GALNT13: variants seen among roughly 807,000 people sequenced by gnomAD.
GALNT13 encodes the protein UDP-GalNAc:polypeptide N-acetylgalactosaminyltransferase 13.
In GALNT13, 28 loss-of-function variants were observed where a neutral mutation model predicts 64.2. The observed-to-expected ratio is 0.44, with a 90% CI of 0.32 to 0.60. GALNT13 has a LOEUF of 0.60. Ranked by LOEUF, GALNT13 falls within the 20% of genes least tolerant of loss-of-function variation. The pLI, the probability that GALNT13 is intolerant of heterozygous loss-of-function variation, is 0.05. For missense variants in GALNT13, 577 were observed against 669.8 expected (o/e 0.86, Z 1.53); for synonymous variants, 214 against 224.6 (o/e 0.95, Z 0.42).
the GALNT13 span, among the ~76,000 whole-genome samples, chr2:153,390,220 CA>C: frequency 6.6e-6 from 1 of 152,010 alleles, no homozygotes; most frequent in Non-Finnish European, 1.5e-5. Flanking sequence ...ATCAGAAAAC[CA>C]AACACCACAT....
chr2:153,609,319 A>G, the GALNT13 span, among the ~76,000 whole-genome samples: 8 of 152,120 alleles, frequency 5.3e-5, no homozygotes, highest in Non-Finnish European at 7.4e-5. Flanking sequence ...GGACGTTTGT[A>G]TCTAAGTGTG....
chr2:153,358,640 G>T, the GALNT13 span, among the ~76,000 whole-genome samples: 1 of 152,092 alleles, frequency 6.6e-6, no homozygotes, highest in African/African-American at 2.4e-5. Context: ...TTAGGCCAGA[G>T]CAATTCATGT....
chr2:153,525,962 T>A, the GALNT13 span, among the ~76,000 whole-genome samples: 7 of 152,338 alleles, frequency 4.6e-5, no homozygotes, highest in African/African-American at 1.4e-4. Context: ...ATGAGGCTCC[T>A]CTGCCTTTAG....
At chr2:154,140,712 A>T (rs1313874700) in intron 4 of GALNT13, among the ~76,000 whole-genome samples, 1 of 152,126 alleles carries the variant, frequency 6.6e-6, no homozygotes, top group African/African-American at 2.4e-5. Context: ...ACTTGCAAAG[A>T]TGCTGCAAAA....
the GALNT13 span, chr2:153,201,729 T>C: frequency 2.0e-5 from 3 of 152,262 alleles, no homozygotes; most frequent in Admixed American, 6.5e-5. Flanking sequence ...TTGGCTGTGA[T>C]TTTACAGAAT....
chr2:153,675,503 G>A, the GALNT13 span, among the ~76,000 whole-genome samples: 148,751 of 152,176 alleles, frequency 0.98, 72,806 homozygotes, highest in East Asian at 1. Context: ...ACAAGAACAC[G>A]TGGACACAGG....
chr2:153,404,696 A>G, the GALNT13 span, among the ~76,000 whole-genome samples: 5 of 152,054 alleles, frequency 3.3e-5, no homozygotes, highest in African/African-American at 1.2e-4. Flanking sequence ...AATATCTTCA[A>G]CTCTTATGTC....
chr2:154,250,406 A>G lies in GALNT13; in HGVS notation c.857+4424A>G, dbSNP rs533607536. Among the ~76,000 whole-genome samples, 14 of 152,098 alleles carry G rather than the reference A, an allele frequency of 9.2e-5. No homozygotes were observed. In the East Asian group the frequency reaches 2.7e-3, roughly 29 times the overall value. On this transcript the variant is annotated intron_variant, in intron 7 of 12. Coordinates refer to ENST00000392825, the MANE Select transcript of GALNT13 (RefSeq NM_052917.4). ...CCCCACATAGGTTTTAATGGCTGCTAATGTCTCAATTACTTACGATGTTTC... is the reference window on the plus strand; with the variant it reads ...CCCCACATAGGTTTTAATGGCTGCTGATGTCTCAATTACTTACGATGTTTC...
At chr2:153,856,206 G>A in the GALNT13 span, among the ~76,000 whole-genome samples, 1 of 151,934 alleles carries the variant, frequency 6.6e-6, no homozygotes, top group Non-Finnish European at 1.5e-5. Flanking sequence ...CAGTTTAAAT[G>A]GGTGAGTTGT....
the GALNT13 span, among the ~76,000 whole-genome samples, chr2:153,131,663 A>G: frequency 6.6e-6 from 1 of 152,148 alleles, no homozygotes; most frequent in East Asian, 1.9e-4. Flanking sequence ...GAATAAATCC[A>G]TCTGTTAGCT....
the GALNT13 span, among the ~76,000 whole-genome samples, chr2:153,378,943 G>C: frequency 6.6e-6 from 1 of 151,900 alleles, no homozygotes; most frequent in Admixed American, 6.6e-5. Flanking sequence ...AGATTTTTTT[G>C]GTGTTTCCTC....
the GALNT13 span, among the ~76,000 whole-genome samples, chr2:153,701,104 G>T: frequency 6.6e-6 from 1 of 152,224 alleles, no homozygotes; most frequent in South Asian, 2.1e-4. Context: ...ATACCTCAAG[G>T]CTACAGTAAC....
the GALNT13 span, among the ~76,000 whole-genome samples, chr2:153,675,990 G>A: frequency 6.6e-6 from 1 of 151,960 alleles, no homozygotes; most frequent in Non-Finnish European, 1.5e-5. Flanking sequence ...CCCAAAGCTA[G>A]GAGAAGAAAA....
At chr2:154,310,656 A>G (rs1438238256) in intron 9 of GALNT13, among the ~76,000 whole-genome samples, 1 of 152,012 alleles carries the variant, frequency 6.6e-6, no homozygotes, top group African/African-American at 2.4e-5. Flanking sequence ...AGTTACAGAA[A>G]CCCTCCTGTA....
intron 2 of GALNT13, among the ~76,000 whole-genome samples, chr2:153,903,259 G>T (rs531160056): frequency 3.3e-5 from 5 of 151,848 alleles, no homozygotes; most frequent in Admixed American, 6.6e-5. Context: ...TAAAAAAAAA[G>T]ATTTTGTATC....
At chr2:153,331,083 T>G in the GALNT13 span, among the ~76,000 whole-genome samples, 21 of 152,308 alleles carry the variant, frequency 1.4e-4, no homozygotes, top group African/African-American at 4.8e-4. Context: ...ATTTATTGAT[T>G]TGCATATATT....
At chr2:153,645,639 A>G in the GALNT13 span, among the ~76,000 whole-genome samples, 1 of 152,158 alleles carries the variant, frequency 6.6e-6, no homozygotes, top group African/African-American at 2.4e-5. Flanking sequence ...AACTTGGATT[A>G]GAGAAAGTGT....
the GALNT13 span, among the ~76,000 whole-genome samples, chr2:153,556,689 A>G: frequency 9.9e-5 from 15 of 152,214 alleles, no homozygotes; most frequent in African/African-American, 3.6e-4. Flanking sequence ...AAAAGAGGGA[A>G]AACTGTTTAA....
the GALNT13 span, among the ~76,000 whole-genome samples, chr2:153,209,242 A>G: frequency 6.6e-6 from 1 of 151,722 alleles, no homozygotes; most frequent in Non-Finnish European, 1.5e-5. Flanking sequence ...GGCCTCCCAA[A>G]GTGCTGGGAT....
Sources: gnomAD v4.1 joint callset for allele counts (sites outside exome capture counted in the v4.1 genomes callset) on GRCh38, gnomAD v4.1.1 for gene constraint, MANE v1.5 for transcripts, NCBI Gene and HGNC (gene_info 2026-07-23, HGNC 2026-07-21) for gene names.